Variants in DCDC1 observed in about 807,000 individuals in gnomAD.
DCDC1 encodes the protein doublecortin domain containing 1.
A neutral mutation model predicts 178.3 loss-of-function variants in DCDC1; 200 were observed. The ratio of observed to expected loss-of-function variants is 1.12; its 90% confidence interval spans 1.00 to 1.26. The LOEUF (loss-of-function observed/expected upper bound fraction) is 1.26. Ranked by LOEUF, DCDC1 falls within the 50% of genes most tolerant of loss-of-function variation. DCDC1 has a pLI of 0.00. For missense variants in DCDC1, 1,983 were observed against 1,749.2 expected, an observed-to-expected ratio of 1.13 and a Z score of -2.38; for synonymous variants, 690 against 604.8, an observed-to-expected ratio of 1.14 and a Z score of -2.07.
intron 8 of DCDC1, among the ~76,000 whole-genome samples, chr11:31,243,462 T>A (rs1416835321): frequency 2.6e-5 from 4 of 151,854 alleles, no homozygotes; most frequent in African/African-American, 9.6e-5. Flanking sequence ...CTTGAATGAT[T>A]TACACCCTAG....
chr11:31,287,170 A>T, intron 7 of DCDC1, among the ~76,000 whole-genome samples: 1 of 151,940 alleles, frequency 6.6e-6, no homozygotes, highest in Non-Finnish European at 1.5e-5. Flanking sequence ...CTGTAACATT[A>T]AAGATCAAAA....
chr11:30,978,705 G>A (rs77976494), intron 20 of DCDC1, among the ~76,000 whole-genome samples: 8,954 of 151,124 alleles, frequency 0.059, 373 homozygotes, highest in Non-Finnish European at 0.085. Context: ...GCTATAGAAC[G>A]TTAGAACTTA....
chr11:30,993,886 T>C (rs781346709), intron 20 of DCDC1, among the ~76,000 whole-genome samples: 1 of 152,024 alleles, frequency 6.6e-6, no homozygotes, highest in African/African-American at 2.4e-5. Flanking sequence ...TAAAGAATAA[T>C]ACCAATGCTA....
At chr11:31,142,748 TATTA>T (rs754579329) in intron 9 of DCDC1, among the ~76,000 whole-genome samples, 18 of 152,166 alleles carry the variant, frequency 1.2e-4, no homozygotes, top group South Asian at 4.1e-4. Context: ...AAATACCTAC[TATTA>T]ATTCAGAATC....
Position 31,102,195 on chromosome 11 carries a change from G to A in DCDC1, c.1965C>T (p.Asn655=), listed in dbSNP as rs774929238. ...PDQFEKVDLE[N]HFLQNKVDPN... ...ATCCCACCTTGTTCTGTAGAAAATG[G>A]TTCTCCAAGTCCACCTTTTCAAACT... is the stretch of plus-strand genomic sequence containing the variant. The change falls in exon 15 of 39, where the codon AAC becomes AAT. Residue 655 remains asparagine, a synonymous_variant. Coordinates refer to ENST00000684477, the MANE Select transcript of DCDC1 (RefSeq NM_001387274.1). 1 of 722,402 alleles carries A rather than the reference G, an allele frequency of 1.4e-6. No individual in the cohort carries two copies. Among genetic ancestry groups the A allele is most frequent in the Non-Finnish European group, 2.6e-6 (1 of 391,438 alleles). 44.7% of individuals were successfully genotyped at this position (722,402 alleles called of 1,614,324 possible).
Position 31,066,180 on chromosome 11 carries a change from T to C in DCDC1, c.2299-1027A>G, listed in dbSNP as rs568903129. ...ATGATGTGAAAATTTTAATTTGTTTTGTGCACTTTTGTGTACCATGGGCTC... is the reference window on the plus strand; with the variant it reads ...ATGATGTGAAAATTTTAATTTGTTTCGTGCACTTTTGTGTACCATGGGCTC... On this transcript the variant is annotated intron_variant, in intron 18 of 38. Coordinates refer to ENST00000684477, the MANE Select transcript of DCDC1 (RefSeq NM_001387274.1). Among the ~76,000 whole-genome samples the C allele has an allele frequency of 1.4e-4, 22 of 152,376 alleles. No individual in the cohort carries two copies. The South Asian group carries it at 1.9e-3, about 13-fold the overall frequency.
Position 30,900,393 on chromosome 11 carries a change from G to C in DCDC1, c.4616C>G (p.Pro1539Arg). The stretch of plus-strand genomic sequence containing the variant: ...ACCACAAGACACCCAGATGGCAATA[G>C]GATTTCTGAGGATGAGGGTAAGCAA... ...KSLLTLILRN[P>R]IAIWVSCGEP... The change falls in exon 33 of 39, where the codon CCT becomes CGT. Residue 1539 changes from proline to arginine, a missense_variant. By Grantham distance (103) the Pro-to-Arg change is moderately radical. Coordinates refer to ENST00000684477, the MANE Select transcript of DCDC1 (RefSeq NM_001387274.1). 1 of 1,577,460 alleles carries C rather than the reference G, an allele frequency of 6.3e-7. No homozygotes were observed.
At chr11:30,948,731 C>T (rs796363629) in intron 21 of DCDC1, among the ~76,000 whole-genome samples, 51 of 152,194 alleles carry the variant, frequency 3.4e-4, no homozygotes, top group African/African-American at 1.2e-3. Context: ...CTTTGACAAA[C>T]CTGACAAAAG....
chr11:30,986,955 G>C (rs1950688257), intron 20 of DCDC1, among the ~76,000 whole-genome samples: 1 of 152,036 alleles, frequency 6.6e-6, no homozygotes. Context: ...CTGTCCCTAA[G>C]AAAAATACAA....
intron 38 of DCDC1, among the ~76,000 whole-genome samples, chr11:30,877,719 GA>G (rs1411347295): frequency 6.6e-6 from 1 of 152,094 alleles, no homozygotes; most frequent in East Asian, 1.9e-4. Flanking sequence ...ATGAGAAATT[GA>G]AGAAGAAAGC....
At chr11:30,892,161 C>T (rs1943841578) in intron 36 of DCDC1, among the ~76,000 whole-genome samples, 5 of 152,132 alleles carry the variant, frequency 3.3e-5, no homozygotes, top group African/African-American at 9.7e-5. Context: ...TGCCTAAAGT[C>T]TTCATTTAAA....
chr11:31,186,794 G>A (rs1424545620), intron 9 of DCDC1, among the ~76,000 whole-genome samples: 2 of 152,184 alleles, frequency 1.3e-5, no homozygotes, highest in Non-Finnish European at 2.9e-5. Flanking sequence ...ATGCCATTCT[G>A]AGATGCAGCA....
chr11:31,045,590 A>C (rs1399542333), intron 20 of DCDC1, among the ~76,000 whole-genome samples: 2 of 152,086 alleles, frequency 1.3e-5, no homozygotes, highest in Non-Finnish European at 2.9e-5. Context: ...ACATTAACAC[A>C]ATTGCTGTAA....
intron 35 of DCDC1, among the ~76,000 whole-genome samples, chr11:30,893,739 T>G (rs1432749222): frequency 6.6e-6 from 1 of 152,182 alleles, no homozygotes; most frequent in Non-Finnish European, 1.5e-5. Flanking sequence ...TTTTCCCTGG[T>G]CTCTCTCCCC....
intron 17 of DCDC1, among the ~76,000 whole-genome samples, chr11:31,089,686 A>G (rs1957690481): frequency 6.7e-6 from 1 of 148,468 alleles, no homozygotes; most frequent in Admixed American, 6.8e-5. Context: ...TCTCAAGTTC[A>G]CTGCTATTTT....
intron 3 of DCDC1, among the ~76,000 whole-genome samples, chr11:31,309,185 C>T (rs937162338): frequency 3.7e-5 from 5 of 135,556 alleles, no homozygotes; most frequent in African/African-American, 1.0e-4. Context: ...TGAGCTCACA[C>T]AGTGGACCCA....
rs568637023 is a variant in DCDC1 at position 30,899,402 on chromosome 11, T to C, written c.4765+139A>G. The C allele has an allele frequency of 1.8e-5, 9 of 500,974 alleles. No homozygotes were observed. The East Asian group carries it at 3.2e-4, about 18-fold the overall frequency. 31.0% of individuals were successfully genotyped at this position (500,974 alleles called of 1,614,324 possible). ...AGGTTTTAGACTTTGCTCAAATGATTTCTGTAAAACAATATTTATATATTG... is the reference window on the plus strand; with the variant it reads ...AGGTTTTAGACTTTGCTCAAATGATCTCTGTAAAACAATATTTATATATTG... On this transcript the variant is annotated intron_variant, in intron 34 of 38. Transcript: ENST00000684477.
intron 17 of DCDC1, among the ~76,000 whole-genome samples, chr11:31,081,335 C>T (rs1957154106): frequency 6.6e-6 from 1 of 152,114 alleles, no homozygotes; most frequent in African/African-American, 2.4e-5. Flanking sequence ...TAAGGCCGGG[C>T]ATGGTGGCTC....
Position 31,153,859 on chromosome 11 carries a change from G to GCACACACACA in DCDC1, c.1222-16085_1222-16076dup, listed in dbSNP as rs56888014. 4.9e-3 allele frequency among the ~76,000 whole-genome samples: 671 copies of GCACACACACA among 137,988 alleles called. 4 individuals carry two copies. The highest frequency in any genetic ancestry group is 0.017 in the African/African-American group (638 of 37,936). 90.5% of individuals were successfully genotyped at this position (137,988 alleles called of 152,430 possible). On this transcript the variant is annotated intron_variant, in intron 9 of 38. Transcript: ENST00000684477. Reference sequence around the variant, plus strand: ...TGCTGTATCATTCACACAGTGTCATGCACACACACACACACACACACACTC... The same window carrying GCACACACACA: ...TGCTGTATCATTCACACAGTGTCATGCACACACACACACACACACACACACACACACACTC...
Sources: gnomAD v4.1 joint callset for allele counts (sites outside exome capture counted in the v4.1 genomes callset) on GRCh38, gnomAD v4.1.1 for gene constraint, MANE v1.5 for transcripts, NCBI Gene and HGNC (gene_info 2026-07-23, HGNC 2026-07-21) for gene names.